The following RTTN variants were observed in gnomAD, a reference collection of about 807,000 sequenced individuals.
RTTN encodes rotatin.
In RTTN, 182 loss-of-function variants were observed where a neutral mutation model predicts 269.2. The ratio of observed to expected loss-of-function variants is 0.68; its 90% CI spans 0.60 to 0.76. The LOEUF (loss-of-function observed/expected upper bound fraction) is 0.76, where lower values mean the gene tolerates loss of function less well. Among genes scored for constraint, RTTN ranks in the 30% least tolerant of loss-of-function variants. The probability of loss-of-function intolerance (pLI) is 0.00; values close to 1 mark genes in which losing one functional copy is unlikely to be tolerated. For missense variants in RTTN, 2,545 were observed against 2,608.6 expected, an observed-to-expected ratio of 0.98 and a Z score of 0.53; for synonymous variants, 1,006 against 963.5, an observed-to-expected ratio of 1.04 and a Z score of -0.82.
chr18:70,189,529 AC>A (rs1357902268), intron 9 of RTTN, among the ~76,000 whole-genome samples: 1 of 152,212 alleles, frequency 6.6e-6, no homozygotes, highest in Non-Finnish European at 1.5e-5. Context: ...AAAAATCATG[AC>A]TGTTTTCTTT....
intron 34 of RTTN, among the ~76,000 whole-genome samples, chr18:70,067,225 T>A (rs2058162393): frequency 6.6e-6 from 1 of 151,224 alleles, no homozygotes; most frequent in Admixed American, 6.6e-5. Flanking sequence ...AGTGGCACGA[T>A]CTCGGCTCAC....
chr18:70,107,285 T>C (rs1022399650), intron 28 of RTTN, among the ~76,000 whole-genome samples: 2 of 152,194 alleles, frequency 1.3e-5, no homozygotes, highest in African/African-American at 4.8e-5. Flanking sequence ...GACTGTGAAG[T>C]AAGTGAGAAT....
At chr18:70,183,929 A>G (rs1374639993) in intron 10 of RTTN, among the ~76,000 whole-genome samples, 1 of 152,168 alleles carries the variant, frequency 6.6e-6, no homozygotes, top group African/African-American at 2.4e-5. Flanking sequence ...CTACATGCCC[A>G]GCTAATGTTA....
intron 10 of RTTN, among the ~76,000 whole-genome samples, chr18:70,184,720 G>T (rs62089141): frequency 0.11 from 2,811 of 25,496 alleles, 141 homozygotes; most frequent in South Asian, 0.21. Flanking sequence ...TTTTTTTTGT[G>T]TGTGTGTGTG....
chr18:70,092,918 T>A, intron 28 of RTTN, 114 bp from the exon 29 acceptor site: 1 of 893,042 alleles, frequency 1.1e-6, no homozygotes, highest in Non-Finnish European at 1.6e-6. Flanking sequence ...TATAAAGTTG[T>A]AATATTTTTA....
chr18:70,202,919 C>T (rs1468201462), intron 3 of RTTN, among the ~76,000 whole-genome samples: 1 of 151,534 alleles, frequency 6.6e-6, no homozygotes, highest in Non-Finnish European at 1.5e-5. Context: ...GAAGCTGTAA[C>T]AGTACTGGCA....
chr18:70,180,673 TA>T (rs1258052921), intron 10 of RTTN, among the ~76,000 whole-genome samples: 2 of 149,114 alleles, frequency 1.3e-5, no homozygotes, highest in African/African-American at 4.9e-5. Flanking sequence ...CAATAAAACA[TA>T]ATGGCTATAA....
At chr18:70,194,384 A>T (rs1739309333) in intron 7 of RTTN, 3 of 152,246 alleles carry the variant, frequency 2.0e-5, no homozygotes, top group Admixed American at 1.3e-4. Flanking sequence ...TGTGGAAAAT[A>T]GTTTGGTGAT....
chr18:70,163,659 A>G (rs1387245483), intron 14 of RTTN, among the ~76,000 whole-genome samples: 1 of 152,206 alleles, frequency 6.6e-6, no homozygotes. Context: ...GCTTGGGACC[A>G]GAAGTGTTTC....
chr18:70,153,308 C>T, intron 14 of RTTN, among the ~76,000 whole-genome samples: 1 of 151,978 alleles, frequency 6.6e-6, no homozygotes, highest in Non-Finnish European at 1.5e-5. Flanking sequence ...TACACACACA[C>T]ATACACATAC....
intron 28 of RTTN, among the ~76,000 whole-genome samples, chr18:70,106,307 T>G (rs977769220): frequency 6.6e-6 from 1 of 152,198 alleles, no homozygotes; most frequent in Non-Finnish European, 1.5e-5. Context: ...ATTGCACCAC[T>G]GCATTCCAGC....
chr18:70,150,129 G>T, intron 15 of RTTN, 42 bp from the exon 16 acceptor site: 1 of 1,212,452 alleles, frequency 8.2e-7, no homozygotes, highest in Non-Finnish European at 1.2e-6. Context: ...CAAATGAGAT[G>T]TCCCGCTAGG....
At chr18:70,169,132 A>G (rs1427356936) in intron 11 of RTTN, 65 bp from the exon 12 acceptor site, 8 of 1,146,770 alleles carry the variant, frequency 7.0e-6, no homozygotes, top group Non-Finnish European at 9.7e-6. Flanking sequence ...TTAGAGAAAC[A>G]TAGTGGGCTA....
rs2056581218 is a variant in RTTN, at chr18:70,017,672, A to C, written c.6156T>G (p.Ser2052Arg). ...SHDCKGVIQK[S>R]NFLQNFLSLA... is the part of the protein sequence containing the mutation. ...GAGAGAGGAAGTTCTGTAAGAAGTTACTCTGTGGATAAATAGAGAGAATAT... is the reference window on the plus strand; with the variant it reads ...GAGAGAGGAAGTTCTGTAAGAAGTTCCTCTGTGGATAAATAGAGAGAATAT... The change falls in exon 46 of 49, where the codon AGT becomes AGG. Residue 2052 changes from serine to arginine, a missense_variant and splice_region_variant. Coordinates refer to ENST00000640769, the MANE Select transcript of RTTN (RefSeq NM_173630.4). 6.2e-7 allele frequency: 1 copy of C among 1,608,030 alleles called. No individual in the cohort carries two copies. Among genetic ancestry groups the C allele is most frequent in the African/African-American group, 1.3e-5 (1 of 74,582 alleles).
intron 40 of RTTN, among the ~76,000 whole-genome samples, chr18:70,042,120 G>GAA (rs148218150): frequency 7.0e-6 from 1 of 142,706 alleles, no homozygotes; most frequent in Non-Finnish European, 1.5e-5. Context: ...ATTACATAGC[G>GAA]AAAAAAAAAA....
intron 35 of RTTN, chr18:70,061,273 T>C: frequency 4.4e-6 from 2 of 450,574 alleles, no homozygotes; most frequent in South Asian, 3.2e-5. Context: ...GCACCCTACA[T>C]TAGTGAACAC....
chr18:70,109,457 C>T, intron 28 of RTTN, 41 bp downstream of exon 28: 1 of 1,517,936 alleles, frequency 6.6e-7, no homozygotes, highest in Non-Finnish European at 9.2e-7. Flanking sequence ...AAAGTAAAAG[C>T]AACTAATAGT....
intron 28 of RTTN, among the ~76,000 whole-genome samples, chr18:70,096,721 G>A (rs558288025): frequency 1.4e-3 from 212 of 152,268 alleles, no homozygotes; most frequent in African/African-American, 4.9e-3. Context: ...TCCTATATGA[G>A]GTGTCTGTCA....
Position 70,121,680 on chromosome 18 carries a change from G to T in RTTN, c.3404C>A (p.Ala1135Asp). The T allele has an allele frequency of 3.9e-6, 6 of 1,557,948 alleles. No homozygotes were observed. Among genetic ancestry groups the T allele is most frequent in the Non-Finnish European group, 5.2e-6 (6 of 1,159,162 alleles). Residue 1135 changes from alanine to aspartate, a missense_variant, in exon 26 of 49, where the codon GCT becomes GAT. By Grantham distance (126) the Ala-to-Asp change is moderately radical. Coordinates refer to ENST00000640769, the MANE Select transcript of RTTN (RefSeq NM_173630.4). ...TAGCAGTTTCTCATCTTCAGTGCAA[G>T]CAGGAAGCACCTGTAAAAACCTATA... ...ALNRFLQVLP[A>D]CTEDEKLLID... is the part of the protein sequence containing the mutation.
Sources: gnomAD v4.1 joint callset for allele counts (sites outside exome capture counted in the v4.1 genomes callset) on GRCh38, gnomAD v4.1.1 for gene constraint, MANE v1.5 for transcripts, NCBI Gene and HGNC (gene_info 2026-07-23, HGNC 2026-07-21) for gene names.